C12orf42: variants seen among roughly 807,000 people sequenced by gnomAD.
C12orf42 encodes uncharacterized protein C12orf42.
A neutral mutation model predicts 21.6 loss-of-function variants in C12orf42; 25 were observed. The observed-to-expected ratio is 1.16, with a 90% CI of 0.84 to 1.62. The LOEUF is 1.62. C12orf42 is among the 40% of genes most tolerant of loss of function. The probability of loss-of-function intolerance (pLI) is 0.00; values close to 1 mark genes in which losing one functional copy is unlikely to be tolerated. For missense variants in C12orf42, 483 were observed against 459.3 expected, an observed-to-expected ratio of 1.05 and a Z score of -0.47; for synonymous variants, 174 against 175.0, an observed-to-expected ratio of 0.99 and a Z score of 0.05.
At chr12:103,539,032 A>G in the C12orf42 span, among the ~76,000 whole-genome samples, 9 of 152,346 alleles carry the variant, frequency 5.9e-5, no homozygotes, top group Middle Eastern at 3.4e-3. Flanking sequence ...ATGAAACAGA[A>G]GCACAGGATA....
the C12orf42 span, among the ~76,000 whole-genome samples, chr12:103,180,522 T>A: frequency 6.6e-6 from 1 of 151,874 alleles, no homozygotes; most frequent in African/African-American, 2.4e-5. Context: ...CAGGTTGCTG[T>A]TTATTGAAAT....
the C12orf42 span, among the ~76,000 whole-genome samples, chr12:103,157,369 A>G: frequency 3.3e-5 from 5 of 152,128 alleles, no homozygotes; most frequent in Admixed American, 3.3e-4. Context: ...AATTCTGGAT[A>G]TTAGACCTTT....
At chr12:103,222,189 G>A in the C12orf42 span, among the ~76,000 whole-genome samples, 38 of 152,180 alleles carry the variant, frequency 2.5e-4, no homozygotes, top group African/African-American at 9.2e-4. Context: ...TCACCTGGGT[G>A]CAGGCGGGCT....
At chr12:103,384,304 A>G (rs571803382) in intron 3 of C12orf42, among the ~76,000 whole-genome samples, 3 of 152,332 alleles carry the variant, frequency 2.0e-5, no homozygotes, top group Middle Eastern at 6.8e-3. Flanking sequence ...CAAAAAGGCA[A>G]CTAAATATGG....
the C12orf42 span, among the ~76,000 whole-genome samples, chr12:103,099,776 T>C: frequency 3.3e-5 from 5 of 152,272 alleles, no homozygotes; most frequent in African/African-American, 1.2e-4. Flanking sequence ...ATAAAAACCC[T>C]TTTTTTCTAA....
the C12orf42 span, among the ~76,000 whole-genome samples, chr12:103,146,554 AGAAAG>A: frequency 9.1e-6 from 1 of 109,944 alleles, no homozygotes; most frequent in African/African-American, 3.7e-5. Context: ...AGAGAAATAA[AGAAAG>A]AAAAGAAAGA....
intron 2 of C12orf42, among the ~76,000 whole-genome samples, chr12:103,416,641 T>A (rs1219585348): frequency 6.6e-6 from 1 of 150,978 alleles, no homozygotes; most frequent in Non-Finnish European, 1.5e-5. Flanking sequence ...AAAAAAAGAG[T>A]TTGCTTCCAG....
At chr12:103,241,530 T>G (rs376130363) in intron 10 of C12orf42, among the ~76,000 whole-genome samples, 121 of 152,248 alleles carry the variant, frequency 7.9e-4, no homozygotes, top group Middle Eastern at 6.8e-3. Flanking sequence ...CAACATGAGT[T>G]AGGAAATTTA....
the C12orf42 span, among the ~76,000 whole-genome samples, chr12:103,121,447 G>C: frequency 2.3e-3 from 347 of 152,308 alleles, 7 homozygotes; most frequent in East Asian, 0.056. Flanking sequence ...TGTTTCAGTG[G>C]AGTTTCCATG....
the C12orf42 span, among the ~76,000 whole-genome samples, chr12:103,074,076 T>C: frequency 6.6e-6 from 1 of 152,086 alleles, no homozygotes; most frequent in Non-Finnish European, 1.5e-5. Flanking sequence ...TGGAGATAAA[T>C]GGGCTTCTCT....
At chr12:103,130,410 C>T in the C12orf42 span, among the ~76,000 whole-genome samples, 94 of 151,280 alleles carry the variant, frequency 6.2e-4, no homozygotes, top group Non-Finnish European at 3.1e-4. Context: ...GAAAACAACA[C>T]TTGCATTGTG....
At chr12:103,440,958 A>G (rs768439466) in intron 2 of C12orf42, among the ~76,000 whole-genome samples, 28 of 152,310 alleles carry the variant, frequency 1.8e-4, no homozygotes, top group Non-Finnish European at 7.4e-5. Context: ...AAATCTTACT[A>G]TATTTCTGCT....
In C12orf42 at chr12:103,294,428, G is replaced by GAGAGAAAGAA. The variant is rs754499754; in HGVS notation, n.338-17219_338-17218insTTCTTTCTCT. 1.4e-3 allele frequency among the ~76,000 whole-genome samples: 130 copies of GAGAGAAAGAA among 96,078 alleles called. 2 individuals are homozygous for GAGAGAAAGAA. The highest frequency in any genetic ancestry group is 5.5e-3 in the African/African-American group (122 of 22,384). The allele number at this position is 96,078 out of a possible 152,430, so 63.0% of individuals were successfully genotyped here. ...AAGAAAGAAAGAGAGAAAGGAGAGAGAGAAAGAAAGAAAGAAAGAAAGAAA... is the reference window on the plus strand; with the variant it reads ...AAGAAAGAAAGAGAGAAAGGAGAGAGAGAGAAAGAAAGAAAGAAAGAAAGAAAGAAAGAAA... On this transcript the variant is annotated intron_variant and non_coding_transcript_variant, in intron 4 of 6. Transcript: ENST00000546526.
intron 2 of C12orf42, among the ~76,000 whole-genome samples, chr12:103,446,731 G>A (rs931101185): frequency 2.0e-5 from 3 of 151,886 alleles, no homozygotes; most frequent in Non-Finnish European, 2.9e-5. Flanking sequence ...GAAAAAAACA[G>A]ACTTTAAAGC....
At chr12:103,091,601 A>T in the C12orf42 span, among the ~76,000 whole-genome samples, 2 of 152,196 alleles carry the variant, frequency 1.3e-5, 1 homozygote, top group Middle Eastern at 6.3e-3. Context: ...GTCTGTAATT[A>T]ATCTGGAAAC....
the C12orf42 span, among the ~76,000 whole-genome samples, chr12:103,528,801 A>G: frequency 1.6e-4 from 24 of 152,340 alleles, no homozygotes; most frequent in African/African-American, 5.3e-4. Context: ...AAATGAAGAC[A>G]CCAACTTTGT....
chr12:103,417,266 C>G (rs1210960755), intron 2 of C12orf42, among the ~76,000 whole-genome samples: 1 of 152,144 alleles, frequency 6.6e-6, no homozygotes, highest in African/African-American at 2.4e-5. Context: ...AAGGGTAAAC[C>G]TAATTATCTT....
At chr12:103,122,232 T>A in the C12orf42 span, among the ~76,000 whole-genome samples, 14 of 152,180 alleles carry the variant, frequency 9.2e-5, no homozygotes, top group African/African-American at 3.1e-4. Flanking sequence ...CTGTGACTAC[T>A]TCCCCCACTT....
the C12orf42 span, among the ~76,000 whole-genome samples, chr12:103,107,035 G>A: frequency 6.6e-6 from 1 of 151,840 alleles, no homozygotes; most frequent in Non-Finnish European, 1.5e-5. Context: ...GAATTATTAA[G>A]AATAGTGATA....
Sources: allele counts gnomAD v4.1 joint callset (sites outside exome capture counted in the v4.1 genomes callset), GRCh38; gene constraint gnomAD v4.1.1; transcripts MANE v1.5; gene names NCBI Gene and HGNC (gene_info 2026-07-23, HGNC 2026-07-21).